The following DMD variants were observed in gnomAD, a reference collection of about 807,000 sequenced individuals.
DMD encodes the protein mutant dystrophin.
A neutral mutation model predicts 330.1 loss-of-function variants in DMD; 63 were observed. The ratio of observed to expected loss-of-function variants is 0.19; its 90% CI spans 0.16 to 0.24. The LOEUF is 0.24. DMD is among the 10% of genes least tolerant of loss of function. DMD has a pLI of 1.00. For synonymous variants in DMD, 1,223 were observed against 959.8 expected, an observed-to-expected ratio of 1.27 and a Z score of -5.07; for missense variants, 3,344 against 2,684.1, an observed-to-expected ratio of 1.25 and a Z score of -5.43.
At chrX:31,662,160 C>T (rs1042103128) in intron 53 of DMD, among the ~76,000 whole-genome samples, 1 of 111,719 alleles carries the variant, frequency 9.0e-6, no homozygotes, top group African/African-American at 3.3e-5. Flanking sequence ...CAGTTTCCTC[C>T]TTTGCTAAAT....
chrX:32,623,823 A>G (rs758336717), intron 11 of DMD, among the ~76,000 whole-genome samples: 29 of 111,863 alleles, frequency 2.6e-4, no homozygotes, highest in Non-Finnish European at 4.1e-4. Context: ...CACCGCACCT[A>G]GCTACTGTTA....
At chrX:33,070,440 T>C (rs1003365942) in intron 1 of DMD, among the ~76,000 whole-genome samples, 2 of 110,356 alleles carry the variant, frequency 1.8e-5, no homozygotes, top group Non-Finnish European at 3.8e-5. Flanking sequence ...AATTCCTAGG[T>C]TGATGCTTAA....
chrX:32,023,854 A>G (rs1025010584), intron 44 of DMD, among the ~76,000 whole-genome samples: 1 of 111,751 alleles, frequency 8.9e-6, no homozygotes, highest in Non-Finnish European at 1.9e-5. Context: ...CGAGTACTGC[A>G]TGTTCTCGCT....
At chrX:31,350,769 G>A (rs151337450) in intron 60 of DMD, among the ~76,000 whole-genome samples, 1,357 of 110,611 alleles carry the variant, frequency 0.012, 19 homozygotes, top group African/African-American at 0.043. Context: ...GGACTATGGG[G>A]TGCCCAGGTA....
chrX:32,417,445 G>C lies in DMD; in HGVS notation c.4072-5532C>G, dbSNP rs189316136. Among the ~76,000 whole-genome samples, 13 of 111,476 alleles carry C rather than the reference G, an allele frequency of 1.2e-4. No individual in the cohort carries two copies. In the Admixed American group the frequency reaches 1.2e-3, roughly 11 times the overall value. On this transcript the variant is annotated intron_variant, in intron 29 of 78. Transcript: ENST00000357033. ...ACTGATCACAGGGTCTGGGAGTCCAGAGTAGATAGGGATGACACCTAATTA... is the reference window on the plus strand; with the variant it reads ...ACTGATCACAGGGTCTGGGAGTCCACAGTAGATAGGGATGACACCTAATTA...
At chrX:32,730,343 C>T (rs1395695314) in intron 7 of DMD, among the ~76,000 whole-genome samples, 1 of 111,987 alleles carries the variant, frequency 8.9e-6, no homozygotes, top group Non-Finnish European at 1.9e-5. Flanking sequence ...AATATCTTGT[C>T]TCTTAAAATA....
chrX:32,609,479 T>A lies in DMD; in HGVS notation c.1482+4824A>T, dbSNP rs758233088. The stretch of plus-strand genomic sequence containing the variant: ...GTATAGTACAAGACATCGTAAATGA[T>A]TGGTTTCTGCATTCTTCACAGCACC... On this transcript the variant is annotated intron_variant, in intron 12 of 78. Coordinates refer to ENST00000357033, the MANE Select transcript of DMD (RefSeq NM_004006.3). 3.1e-3 allele frequency among the ~76,000 whole-genome samples: 341 copies of A among 111,009 alleles called. 2 individuals are homozygous for A. Among genetic ancestry groups the A allele is most frequent in the African/African-American group, 9.9e-3 (305 of 30,696 alleles).
intron 3 of DMD, among the ~76,000 whole-genome samples, chrX:32,846,723 T>TAAA (rs10564725): frequency 0.01 from 553 of 53,528 alleles, 1 homozygote; most frequent in East Asian, 0.04. Flanking sequence ...ACTTTAGATT[T>TAAA]AAAAAAAAAA....
intron 9 of DMD, among the ~76,000 whole-genome samples, chrX:32,690,889 T>C (rs1304067449): frequency 1.8e-5 from 2 of 111,439 alleles, no homozygotes; most frequent in African/African-American, 6.5e-5. Flanking sequence ...ATAAAACTCC[T>C]AGAAGAAAAC....
intron 63 of DMD, among the ~76,000 whole-genome samples, chrX:31,243,794 T>G (rs1427290035): frequency 8.9e-6 from 1 of 112,848 alleles, no homozygotes; most frequent in Non-Finnish European, 1.9e-5. Flanking sequence ...TAACACCATT[T>G]GACTCAGTGA....
chrX:32,341,981 G>A, intron 41 of DMD, 119 bp downstream of exon 41: 1 of 755,877 alleles, frequency 1.3e-6, no homozygotes, highest in South Asian at 2.9e-5. Context: ...CTTTCAGAAT[G>A]TACATTAGAA....
At chrX:32,801,012 G>T (rs763575558) in intron 7 of DMD, among the ~76,000 whole-genome samples, 15 of 111,048 alleles carry the variant, frequency 1.4e-4, no homozygotes, top group Non-Finnish European at 2.3e-4. Flanking sequence ...AATAAGCACA[G>T]AATAATTTAT....
chrX:32,759,696 T>A (rs1401746104), intron 7 of DMD, among the ~76,000 whole-genome samples: 1 of 112,039 alleles, frequency 8.9e-6, no homozygotes, highest in Non-Finnish European at 1.9e-5. Context: ...TCATATATAA[T>A]GCTACCTCAG....
chrX:32,659,427 G>A (rs898243079), intron 9 of DMD, among the ~76,000 whole-genome samples: 8 of 111,309 alleles, frequency 7.2e-5, no homozygotes, highest in African/African-American at 2.6e-4. Context: ...CATCTATAGT[G>A]CTTCTGTGGG....
chrX:32,033,019 G>A (rs1367674065), intron 44 of DMD, among the ~76,000 whole-genome samples: 2 of 111,942 alleles, frequency 1.8e-5, no homozygotes, highest in African/African-American at 6.5e-5. Flanking sequence ...AGATAAATGT[G>A]GTATATATAC....
chrX:32,923,453 C>T (rs2088645750), intron 2 of DMD, among the ~76,000 whole-genome samples: 1 of 109,539 alleles, frequency 9.1e-6, no homozygotes, highest in African/African-American at 3.3e-5. Context: ...CCCAGCTACT[C>T]GGTAGGCTGA....
intron 9 of DMD, among the ~76,000 whole-genome samples, chrX:32,684,754 G>A (rs186014965): frequency 1.1e-4 from 12 of 110,651 alleles, no homozygotes; most frequent in African/African-American, 3.9e-4. Flanking sequence ...GGGCTTTTTC[G>A]CTTTTGTCAT....
At chrX:32,435,966 G>C (rs1008217925) in intron 29 of DMD, among the ~76,000 whole-genome samples, 1 of 111,965 alleles carries the variant, frequency 8.9e-6, no homozygotes, top group African/African-American at 3.2e-5. Context: ...GAATACACCA[G>C]ACAGCTTTCT....
chrX:32,629,317 G>A (rs1249231585), intron 11 of DMD, among the ~76,000 whole-genome samples: 1 of 111,686 alleles, frequency 9.0e-6, no homozygotes, highest in African/African-American at 3.3e-5. Context: ...TATTTTGTCT[G>A]ATAAAAGAAT....
Sources: allele counts gnomAD v4.1 joint callset (sites outside exome capture counted in the v4.1 genomes callset), GRCh38; gene constraint gnomAD v4.1.1; transcripts MANE v1.5; gene names NCBI Gene and HGNC (gene_info 2026-07-23, HGNC 2026-07-21).